Variants in FBXL7 observed in about 807,000 individuals in gnomAD.
FBXL7 encodes F-box/LRR-repeat protein 7.
In FBXL7, 12 loss-of-function variants were observed where a neutral mutation model predicts 38.3. That is an observed-to-expected ratio of 0.31 (90% CI 0.20 to 0.51). FBXL7 has a LOEUF of 0.51. FBXL7 is among the 20% of genes least tolerant of loss of function. The probability of loss-of-function intolerance (pLI) is 0.98; values close to 1 mark genes in which losing one functional copy is unlikely to be tolerated. For missense variants in FBXL7, 567 were observed against 676.4 expected (o/e 0.84, Z 1.79); for synonymous variants, 297 against 300.9 (o/e 0.99, Z 0.13).
At chr5:15,656,670 A>G (rs1741892318) in intron 2 of FBXL7, among the ~76,000 whole-genome samples, 2 of 152,098 alleles carry the variant, frequency 1.3e-5, no homozygotes, top group Non-Finnish European at 2.9e-5. Context: ...CCATATCACA[A>G]GAAAACATTG....
intron 1 of FBXL7, 24 bp from the exon 2 acceptor site, chr5:15,615,959 G>A: frequency 6.4e-7 from 1 of 1,572,308 alleles, no homozygotes; most frequent in South Asian, 1.1e-5. Context: ...AATCTCAAAA[G>A]CTGCTCATTC....
chr5:15,654,912 T>G (rs894731471), intron 2 of FBXL7, among the ~76,000 whole-genome samples: 7 of 152,238 alleles, frequency 4.6e-5, no homozygotes, highest in African/African-American at 1.7e-4. Context: ...TTGAAAATTG[T>G]GAATATTCAT....
chr5:15,850,030 G>A (rs1739046001), intron 2 of FBXL7, among the ~76,000 whole-genome samples: 1 of 152,114 alleles, frequency 6.6e-6, no homozygotes, highest in Non-Finnish European at 1.5e-5. Flanking sequence ...TCCAGGTCCT[G>A]CTTTCACAAG....
At chr5:15,624,113 A>G (rs1476754625) in intron 2 of FBXL7, among the ~76,000 whole-genome samples, 1 of 152,206 alleles carries the variant, frequency 6.6e-6, no homozygotes, top group Non-Finnish European at 1.5e-5. Context: ...TTAGCTTGTC[A>G]GTATTATATA....
intron 2 of FBXL7, among the ~76,000 whole-genome samples, chr5:15,632,563 A>G (rs1741035042): frequency 6.6e-6 from 1 of 152,168 alleles, no homozygotes; most frequent in African/African-American, 2.4e-5. Flanking sequence ...TACCGAAAAG[A>G]CACTCATATG....
intron 2 of FBXL7, among the ~76,000 whole-genome samples, chr5:15,798,565 AAG>A (rs1737475627): frequency 6.6e-6 from 1 of 152,236 alleles, no homozygotes; most frequent in Non-Finnish European, 1.5e-5. Context: ...CAAAATTAAT[AAG>A]AGAGGTGAAC....
intron 2 of FBXL7, among the ~76,000 whole-genome samples, chr5:15,762,875 C>T (rs560404023): frequency 6.6e-6 from 1 of 152,152 alleles, no homozygotes; most frequent in East Asian, 1.9e-4. Context: ...AATTTATGAC[C>T]CTCGTGTAAA....
intron 2 of FBXL7, among the ~76,000 whole-genome samples, chr5:15,788,272 G>A (rs1235946743): frequency 6.6e-6 from 1 of 152,134 alleles, no homozygotes; most frequent in Non-Finnish European, 1.5e-5. Context: ...CATGAATTTT[G>A]GGGGAGCACT....
chr5:15,577,594 TTGTGTGTG>T (rs34405217), intron 1 of FBXL7, among the ~76,000 whole-genome samples: 4,453 of 147,630 alleles, frequency 0.03, 114 homozygotes, highest in South Asian at 0.081. Flanking sequence ...GTAATGCATT[TTGTGTGTG>T]TGTGTGTGTG....
chr5:15,906,172 AT>A (rs373720565), intron 2 of FBXL7, among the ~76,000 whole-genome samples: 1,755 of 150,674 alleles, frequency 0.012, 40 homozygotes, highest in African/African-American at 0.041. Flanking sequence ...AAACCCAGGC[AT>A]TTTTTTTTAA....
At chr5:15,870,735 C>A (rs1483629256) in intron 2 of FBXL7, among the ~76,000 whole-genome samples, 2 of 152,182 alleles carry the variant, frequency 1.3e-5, no homozygotes, top group Non-Finnish European at 2.9e-5. Flanking sequence ...TGCCACAGAG[C>A]CACTATAGCC....
intron 1 of FBXL7, among the ~76,000 whole-genome samples, chr5:15,554,878 T>C (rs1213161924): frequency 6.6e-6 from 1 of 152,216 alleles, no homozygotes; most frequent in East Asian, 1.9e-4. Flanking sequence ...AAGTATCTGG[T>C]GCCTAGCAGG....
At chr5:15,532,874 C>A (rs147824290) in intron 1 of FBXL7, among the ~76,000 whole-genome samples, 1 of 152,306 alleles carries the variant, frequency 6.6e-6, no homozygotes, top group Non-Finnish European at 1.5e-5. Context: ...ATTGGCAGAG[C>A]TTTGCTGACA....
chr5:15,652,928 C>G (rs1362458386), intron 2 of FBXL7, among the ~76,000 whole-genome samples: 2 of 152,098 alleles, frequency 1.3e-5, no homozygotes, highest in Non-Finnish European at 2.9e-5. Flanking sequence ...GATAGATACT[C>G]CATTTATCCT....
intron 1 of FBXL7, among the ~76,000 whole-genome samples, chr5:15,566,958 G>GA (rs1346921690): frequency 6.6e-6 from 1 of 152,112 alleles, no homozygotes; most frequent in Non-Finnish European, 1.5e-5. Context: ...AGTCACACAG[G>GA]ATTCTTTCAA....
chr5:15,896,240 G>GGT (rs1002151608), intron 2 of FBXL7, among the ~76,000 whole-genome samples: 3 of 152,076 alleles, frequency 2.0e-5, no homozygotes, highest in Non-Finnish European at 4.4e-5. Context: ...TGGCCAGCCT[G>GGT]GTCTCGAACT....
At chr5:15,508,261 T>C (rs1348461068) in intron 1 of FBXL7, among the ~76,000 whole-genome samples, 1 of 152,166 alleles carries the variant, frequency 6.6e-6, no homozygotes, top group African/African-American at 2.4e-5. Context: ...AGTGGTTGTA[T>C]GGGTACTCAC....
chr5:15,836,609 G>A (rs1347849960), intron 2 of FBXL7, among the ~76,000 whole-genome samples: 3 of 152,060 alleles, frequency 2.0e-5, no homozygotes, highest in East Asian at 3.9e-4. Context: ...AGTGTGCCTC[G>A]TCTGTTTGAA....
intron 1 of FBXL7, among the ~76,000 whole-genome samples, chr5:15,582,856 A>G (rs2126469769): frequency 6.6e-6 from 1 of 152,268 alleles, no homozygotes; most frequent in Admixed American, 6.5e-5. Flanking sequence ...TGACTAACAA[A>G]ACAATTTCCT....
Sources: allele counts gnomAD v4.1 joint callset (sites outside exome capture counted in the v4.1 genomes callset), GRCh38; gene constraint gnomAD v4.1.1; transcripts MANE v1.5; gene names NCBI Gene and HGNC (gene_info 2026-07-23, HGNC 2026-07-21).